BDH1: variants seen among roughly 807,000 people sequenced by gnomAD.
BDH1 encodes the protein 3-hydroxybutyrate dehydrogenase 1.
Under a neutral mutation model 33.1 loss-of-function variants are expected in BDH1, and 30 were observed. The ratio of observed to expected loss-of-function variants is 0.91; its 90% CI spans 0.68 to 1.23. The LOEUF (loss-of-function observed/expected upper bound fraction) is 1.23. Among genes scored for constraint, BDH1 ranks in the 50% most tolerant of loss-of-function variants. BDH1 has a pLI of 0.00. For missense variants in BDH1, 443 were observed against 464.4 expected (o/e 0.95, Z 0.42); for synonymous variants, 190 against 183.6 (o/e 1.03, Z -0.28).
In BDH1 at chr3:197,516,680, C is replaced by T. The variant is rs543840877; in HGVS notation, c.410-2264G>A. ...TGACTCACCCTAACCACAACCAACA[C>T]GTCAAGTTTCCAAGCTGCCCAAGCC... On this transcript the variant is annotated intron_variant, in intron 6 of 7. Coordinates refer to ENST00000392379, the MANE Select transcript of BDH1 (RefSeq NM_203314.3). The surrounding 1 kb of genome is among the most constrained non-coding windows in gnomAD (Gnocchi z 4.2). Among the ~76,000 whole-genome samples the T allele has an allele frequency of 3.9e-5, 6 of 152,040 alleles. No individual in the cohort carries two copies. Among genetic ancestry groups the T allele is most frequent in the Non-Finnish European group, 7.4e-5 (5 of 67,996 alleles).
In BDH1 at chr3:197,514,018, C is replaced by T; in HGVS notation, c.562+246G>A. On this transcript the variant is annotated intron_variant, in intron 7 of 7. Transcript: ENST00000392379. This position sits in a 1 kb window ranked among gnomAD's most constrained non-coding sequence, Gnocchi z 4.2. ...ATTAGGTGTGCAGAGTGGATGGCTGCTCAACTCTTTAAGCTTTTGCTGCAT... is the reference window on the plus strand; with the variant it reads ...ATTAGGTGTGCAGAGTGGATGGCTGTTCAACTCTTTAAGCTTTTGCTGCAT... 2.0e-6 allele frequency: 1 copy of T among 491,434 alleles called. No individual in the cohort carries two copies. Among genetic ancestry groups the T allele is most frequent in the Non-Finnish European group, 3.6e-6 (1 of 280,170 alleles). The allele number at this position is 491,434 out of a possible 1,614,324, so 30.4% of individuals were successfully genotyped here.
chr3:197,515,401 C>T (rs549357881), intron 6 of BDH1: 9 of 985,780 alleles, frequency 9.1e-6, no homozygotes, highest in South Asian at 4.7e-5. Context: ...GCGTCATCCA[C>T]GACCCCACAG....
chr3:197,566,936 A>G (rs1717451411), intron 1 of BDH1, among the ~76,000 whole-genome samples: 1 of 152,192 alleles, frequency 6.6e-6, no homozygotes, highest in Admixed American at 6.5e-5. Flanking sequence ...TTCAGAAGAA[A>G]ATAATAGCAA....
chr3:197,540,358 T>C (rs892616296), intron 3 of BDH1, among the ~76,000 whole-genome samples: 3 of 146,508 alleles, frequency 2.0e-5, no homozygotes, highest in Non-Finnish European at 4.5e-5. Context: ...CCAGCCTACC[T>C]GACATTTTTA....
rs1177245621 is a variant in BDH1, at chr3:197,510,246, A to T, written c.*1649T>A. 6.6e-6 allele frequency: 1 copy of T among 152,304 alleles called. No individual in the cohort carries two copies. The highest frequency in any genetic ancestry group is 6.5e-5 in the Admixed American group (1 of 15,288). 9.4% of individuals were successfully genotyped at this position (152,304 alleles called of 1,614,324 possible). A position where few individuals can be genotyped will look rare whatever the true frequency, so the allele number is the denominator to read the frequency against. ...AAGCGCGAATCCCGAACGCCGTGAGAAACCTCAGGCTCGGGCGGCAGCGCG... is the reference window on the plus strand; with the variant it reads ...AAGCGCGAATCCCGAACGCCGTGAGTAACCTCAGGCTCGGGCGGCAGCGCG... On this transcript the variant is annotated 3_prime_UTR_variant, in exon 8 of 8. Coordinates refer to ENST00000392379, the MANE Select transcript of BDH1 (RefSeq NM_203314.3).
At position 197,521,180 on chromosome 3, in the gene BDH1, C is replaced by T. The variant is rs921836035; in HGVS notation, c.409+1460G>A. Among the ~76,000 whole-genome samples the T allele has an allele frequency of 3.9e-5, 6 of 152,290 alleles. No individual in the cohort carries two copies. Among genetic ancestry groups the T allele is most frequent in the African/African-American group, 9.6e-5 (4 of 41,562 alleles). ...TGAGGGAAAGCAGAGGCCTGAATGA[C>T]GCACACCCTTTCTGCCTGGGCTGTC... is the stretch of plus-strand genomic sequence containing the variant. On this transcript the variant is annotated intron_variant, in intron 6 of 7. Coordinates refer to ENST00000392379, the MANE Select transcript of BDH1 (RefSeq NM_203314.3). This position sits in a 1 kb window ranked among gnomAD's most constrained non-coding sequence, Gnocchi z 4.9.
intron 2 of BDH1, among the ~76,000 whole-genome samples, chr3:197,547,171 C>G (rs1217799396): frequency 6.6e-6 from 1 of 152,250 alleles, no homozygotes. Flanking sequence ...CAACAAGAAT[C>G]TCTTGGTAAC....
intron 3 of BDH1, among the ~76,000 whole-genome samples, chr3:197,541,964 C>T (rs1466502933): frequency 2.0e-5 from 3 of 152,216 alleles, no homozygotes; most frequent in African/African-American, 7.2e-5. Context: ...GCCTCACTAA[C>T]AAGAATCTGG....
At chr3:197,556,366 A>C (rs1286721327), upstream of BDH1, among the ~76,000 whole-genome samples, 1 of 152,132 alleles carries the variant, frequency 6.6e-6, no homozygotes, top group Admixed American at 6.5e-5. Context: ...ATTTCTTTTG[A>C]TCAGATGAAT....
chr3:197,510,102 C>G lies in BDH1; in HGVS notation c.*1793G>C, dbSNP rs866970675. 3 of 152,368 alleles carry G rather than the reference C, an allele frequency of 2.0e-5. No homozygotes were observed. The highest frequency in any genetic ancestry group is 7.2e-5 in the African/African-American group (3 of 41,476). The allele number at this position is 152,368 out of a possible 1,614,324, so 9.4% of individuals were successfully genotyped here. On this transcript the variant is annotated 3_prime_UTR_variant, in exon 8 of 8. Transcript: ENST00000392379. ...ACTGCCTGAACCCCGTAGCCCACTC[C>G]GGCTGCCCGGGCTCTTCTGCCTTCT...
upstream of BDH1, among the ~76,000 whole-genome samples, chr3:197,559,698 G>A (rs1385248851): frequency 1.3e-5 from 2 of 152,260 alleles, no homozygotes; most frequent in East Asian, 3.9e-4. Flanking sequence ...TTTCCCAAAG[G>A]CCCTGCCCCT....
intron 6 of BDH1, among the ~76,000 whole-genome samples, chr3:197,517,465 T>C (rs1196352927): frequency 6.7e-4 from 16 of 23,718 alleles, no homozygotes; most frequent in East Asian, 3.2e-3. Context: ...GCCGACCCCC[T>C]CATCAGTCAT....
intron 5 of BDH1, among the ~76,000 whole-genome samples, chr3:197,527,909 C>T (rs1291981548): frequency 2.6e-5 from 4 of 152,128 alleles, no homozygotes; most frequent in Non-Finnish European, 5.9e-5. Context: ...ATCTTTCCTC[C>T]CTCTTGAAAA....
rs1712479918 is a variant in BDH1 at position 197,514,526 on chromosome 3, C to T, written c.410-110G>A. ...TGCTTCTTTCCTGTGACTTCCCAGC[C>T]TCTCGCCCAGTGCTCTCAAGAAACT... On this transcript the variant is annotated intron_variant, in intron 6 of 7. Coordinates refer to ENST00000392379, the MANE Select transcript of BDH1 (RefSeq NM_203314.3). This position sits in a 1 kb window ranked among gnomAD's most constrained non-coding sequence, Gnocchi z 4.2. 1.5e-6 allele frequency: 2 copies of T among 1,301,830 alleles called. No individual in the cohort carries two copies. Among genetic ancestry groups the T allele is most frequent in the Admixed American group, 4.9e-5 (2 of 40,610 alleles). 80.6% of individuals were successfully genotyped at this position (1,301,830 alleles called of 1,614,324 possible). A position where few individuals can be genotyped will look rare whatever the true frequency, so the allele number is the denominator to read the frequency against.
chr3:197,566,113 C>T (rs1360944633), intron 1 of BDH1, among the ~76,000 whole-genome samples: 2 of 152,184 alleles, frequency 1.3e-5, no homozygotes, highest in Non-Finnish European at 2.9e-5. Flanking sequence ...TTTCTGTCAA[C>T]CTGATTTCTC....
intron 3 of BDH1, among the ~76,000 whole-genome samples, chr3:197,539,981 G>A (rs971841906): frequency 2.6e-5 from 4 of 152,152 alleles, no homozygotes; most frequent in African/African-American, 9.7e-5. Flanking sequence ...AGTGAGCAAG[G>A]TGAAGCCATT....
intron 6 of BDH1, chr3:197,515,914 A>ACACACG (rs1289343284): frequency 4.6e-4 from 70 of 150,964 alleles, no homozygotes; most frequent in African/African-American, 1.6e-3. Flanking sequence ...ACACACACAC[A>ACACACG]CGCGCGCGCG....
rs958803808 is a variant in BDH1, at chr3:197,563,076, A to G, written c.-44+10105T>C. 6.8e-4 allele frequency among the ~76,000 whole-genome samples: 103 copies of G among 152,254 alleles called. 1 individual carries two copies. The highest frequency in any genetic ancestry group is 2.3e-3 in the African/African-American group (94 of 41,542). ...CTTGCAAGCTGGCAAATTTGTATTTATCTCATGGCTAAAGTACTGGAGTAA... is the reference window on the plus strand; with the variant it reads ...CTTGCAAGCTGGCAAATTTGTATTTGTCTCATGGCTAAAGTACTGGAGTAA... On this transcript the variant is annotated intron_variant, in intron 1 of 6. Transcript: ENST00000358186.
In BDH1 at chr3:197,522,293, G is replaced by A. The variant is rs577936156; in HGVS notation, c.409+347C>T. On this transcript the variant is annotated intron_variant, in intron 6 of 7. Coordinates refer to ENST00000392379, the MANE Select transcript of BDH1 (RefSeq NM_203314.3). The surrounding 1 kb of genome is among the most constrained non-coding windows in gnomAD (Gnocchi z 4.8). ...CTCAGTCCTCCGGCTGAACTATGAG[G>A]TCCTGGGGACAGAATGTGCCTTGAC... Among the ~76,000 whole-genome samples, 3 of 152,248 alleles carry A rather than the reference G, an allele frequency of 2.0e-5. No individual in the cohort carries two copies. Among genetic ancestry groups the A allele is most frequent in the African/African-American group, 4.8e-5 (2 of 41,528 alleles).
Sources: gnomAD v4.1 joint callset for allele counts (sites outside exome capture counted in the v4.1 genomes callset) on GRCh38, gnomAD v4.1.1 for gene constraint, Gnocchi (gnomAD v3.1) non-coding constraint, MANE v1.5 for transcripts, NCBI Gene and HGNC (gene_info 2026-07-23, HGNC 2026-07-21) for gene names.